PPM1E: variants seen among roughly 807,000 people sequenced by gnomAD.
PPM1E encodes the protein protein phosphatase 1E.
A neutral mutation model predicts 65.9 loss-of-function variants in PPM1E; 20 were observed. The ratio of observed to expected loss-of-function variants is 0.30; its 90% CI spans 0.21 to 0.44. The LOEUF is 0.44. Among genes scored for constraint, PPM1E ranks in the 20% least tolerant of loss-of-function variants. The pLI is 1.00. For missense variants in PPM1E, 713 were observed against 953.1 expected (o/e 0.75, Z 3.32); for synonymous variants, 352 against 374.9 (o/e 0.94, Z 0.70).
intron 1 of PPM1E, among the ~76,000 whole-genome samples, chr17:58,920,278 A>G (rs1459865444): frequency 6.6e-6 from 1 of 152,208 alleles, no homozygotes; most frequent in Non-Finnish European, 1.5e-5. Context: ...TTCATTATCT[A>G]CACAGACAAT....
At chr17:58,968,720 A>C (rs12939938) in intron 3 of PPM1E, among the ~76,000 whole-genome samples, 2,158 of 152,338 alleles carry the variant, frequency 0.014, 30 homozygotes, top group Non-Finnish European at 0.017. Flanking sequence ...CTGAGATTTA[A>C]ACACTTGAGC....
At chr17:58,904,856 C>CAAAAA (rs71367643) in intron 1 of PPM1E, among the ~76,000 whole-genome samples, 1 of 104,078 alleles carries the variant, frequency 9.6e-6, no homozygotes, top group Non-Finnish European at 2.1e-5. Context: ...ACTAAAAATA[C>CAAAAA]AAAAAAAAAA....
At chr17:58,936,644 C>T (rs149187605) in intron 1 of PPM1E, among the ~76,000 whole-genome samples, 1,689 of 152,212 alleles carry the variant, frequency 0.011, 18 homozygotes, top group Non-Finnish European at 0.019. Flanking sequence ...GAAAATGCTT[C>T]CTGGCTTGGT....
At chr17:58,924,139 C>T (rs1328707171) in intron 1 of PPM1E, among the ~76,000 whole-genome samples, 5 of 151,442 alleles carry the variant, frequency 3.3e-5, no homozygotes, top group South Asian at 2.1e-4. Context: ...AGGCTGATCT[C>T]GAACTCCTGA....
chr17:58,777,621 C>T (rs1253738276), intron 1 of PPM1E, among the ~76,000 whole-genome samples: 4 of 151,966 alleles, frequency 2.6e-5, no homozygotes, highest in East Asian at 1.9e-4. Flanking sequence ...CAGCATAGTG[C>T]GAGGGAGTGG....
At chr17:58,872,321 A>G (rs1014961670) in intron 1 of PPM1E, among the ~76,000 whole-genome samples, 5 of 152,184 alleles carry the variant, frequency 3.3e-5, no homozygotes, top group African/African-American at 1.2e-4. Context: ...AGGAAAATAA[A>G]TAAATAACAA....
At chr17:58,855,240 G>GTTA (rs2050869687) in intron 1 of PPM1E, among the ~76,000 whole-genome samples, 1 of 152,208 alleles carries the variant, frequency 6.6e-6, no homozygotes, top group African/African-American at 2.4e-5. Context: ...GGAGAAATTA[G>GTTA]TTAACTAAAT....
intron 1 of PPM1E, among the ~76,000 whole-genome samples, chr17:58,926,697 T>A (rs1462040173): frequency 1.3e-5 from 2 of 152,200 alleles, no homozygotes; most frequent in Admixed American, 6.5e-5. Flanking sequence ...TGATTTTTTT[T>A]TAAATTACTA....
chr17:58,835,742 G>T (rs770778557), intron 1 of PPM1E, among the ~76,000 whole-genome samples: 5 of 151,804 alleles, frequency 3.3e-5, no homozygotes, highest in Non-Finnish European at 5.9e-5. Flanking sequence ...GGTGGTGCAT[G>T]CCTGCAGTCC....
At chr17:58,808,354 A>G (rs571180276) in intron 1 of PPM1E, among the ~76,000 whole-genome samples, 90 of 152,228 alleles carry the variant, frequency 5.9e-4, no homozygotes, top group Non-Finnish European at 1.1e-3. Flanking sequence ...TGGGATTGTT[A>G]TTGAAATTAT....
chr17:58,874,715 G>A (rs980922285), intron 1 of PPM1E, among the ~76,000 whole-genome samples: 1 of 151,932 alleles, frequency 6.6e-6, no homozygotes, highest in Non-Finnish European at 1.5e-5. Context: ...ATGACTTATT[G>A]GATAATTGGG....
At chr17:58,893,092 A>G (rs778705599) in intron 1 of PPM1E, among the ~76,000 whole-genome samples, 1 of 152,234 alleles carries the variant, frequency 6.6e-6, no homozygotes, top group Non-Finnish European at 1.5e-5. Flanking sequence ...TGATCCAGCA[A>G]TCATATTCAT....
At chr17:58,902,147 G>C (rs1415203835) in intron 1 of PPM1E, among the ~76,000 whole-genome samples, 1 of 151,796 alleles carries the variant, frequency 6.6e-6, no homozygotes, top group Admixed American at 6.6e-5. Context: ...TGAGGTAAAG[G>C]AGAAAAAATT....
intron 1 of PPM1E, among the ~76,000 whole-genome samples, chr17:58,842,764 C>A (rs2050732440): frequency 6.6e-6 from 1 of 151,396 alleles, no homozygotes; most frequent in Non-Finnish European, 1.5e-5. Context: ...CATGGTGAAA[C>A]CTTGTCTCTA....
At position 58,909,918 on chromosome 17, in the gene PPM1E, CTTTTTCTTTTTTTTT is replaced by C. The variant is rs1194774044; in HGVS notation, c.465-45725_465-45711del. On this transcript the variant is annotated intron_variant, in intron 1 of 6. Transcript: ENST00000308249. ...TTCTTTCTTTCTTTCTTTCTTTTTTCTTTTTCTTTTTTTTTTTTTTTTTTTTGAGACTGGAGTGCA... is the reference window on the plus strand; with the variant it reads ...TTCTTTCTTTCTTTCTTTCTTTTTTCTTTTTTTTTTTGAGACTGGAGTGCA... Among the ~76,000 whole-genome samples, 4 of 100,110 alleles carry C rather than the reference CTTTTTCTTTTTTTTT, an allele frequency of 4.0e-5. No individual in the cohort carries two copies. In the East Asian group the frequency reaches 1.1e-3, roughly 28 times the overall value. The allele number at this position is 100,110 out of a possible 152,430, so 65.7% of individuals were successfully genotyped here.
chr17:58,899,973 TC>T (rs1181650904), intron 1 of PPM1E, among the ~76,000 whole-genome samples: 1 of 150,656 alleles, frequency 6.6e-6, no homozygotes, highest in Non-Finnish European at 1.5e-5. Flanking sequence ...GGTAGGAGGA[TC>T]ACTTGAGGCC....
intron 1 of PPM1E, among the ~76,000 whole-genome samples, chr17:58,802,624 T>C (rs1189148820): frequency 6.6e-6 from 1 of 152,186 alleles, no homozygotes; most frequent in African/African-American, 2.4e-5. Flanking sequence ...GTAGATTACA[T>C]TGGATTGTGT....
chr17:58,804,533 C>G (rs1346946157), intron 1 of PPM1E, among the ~76,000 whole-genome samples: 2 of 152,018 alleles, frequency 1.3e-5, no homozygotes, highest in African/African-American at 4.8e-5. Context: ...GATGGCAATT[C>G]GAGTGCATAA....
At chr17:58,823,774 A>G (rs1054936436) in intron 1 of PPM1E, among the ~76,000 whole-genome samples, 1 of 152,156 alleles carries the variant, frequency 6.6e-6, no homozygotes, top group Non-Finnish European at 1.5e-5. Flanking sequence ...TCTGTTGCCC[A>G]GGCTGGAGTG....
Sources: gnomAD v4.1 joint callset for allele counts (sites outside exome capture counted in the v4.1 genomes callset) on GRCh38, gnomAD v4.1.1 for gene constraint, MANE v1.5 for transcripts, NCBI Gene and HGNC (gene_info 2026-07-23, HGNC 2026-07-21) for gene names.